The following FOCAD variants were observed in gnomAD, a reference collection of about 807,000 sequenced individuals.
The protein encoded by FOCAD is KIAA1797.
A neutral mutation model predicts 225.6 loss-of-function variants in FOCAD; 198 were observed. The observed-to-expected ratio is 0.88, with a 90% CI of 0.78 to 0.99. The LOEUF is 0.99. FOCAD is among the 50% of genes least tolerant of loss of function. The pLI, the probability that FOCAD is intolerant of heterozygous loss-of-function variation, is 0.00. For synonymous variants in FOCAD, 897 were observed against 755.0 expected, an observed-to-expected ratio of 1.19 and a Z score of -3.08; for missense variants, 2,713 against 2,123.6, an observed-to-expected ratio of 1.28 and a Z score of -5.46.
At chr9:20,845,100 G>C (rs1262213977) in intron 15 of FOCAD, among the ~76,000 whole-genome samples, 1 of 151,984 alleles carries the variant, frequency 6.6e-6, no homozygotes, top group East Asian at 1.9e-4. Context: ...GAGACATTTT[G>C]AGTTGTCCAG....
At position 20,907,242 on chromosome 9, in the gene FOCAD, G is replaced by A; in HGVS notation, c.2718G>A (p.Gln906=). The A allele has an allele frequency of 6.2e-7, 1 of 1,612,446 alleles. No homozygotes were observed. Among genetic ancestry groups the A allele is most frequent in the Non-Finnish European group, 8.5e-7 (1 of 1,178,916 alleles). The part of the protein sequence containing the change: ...YMNRAYHAIL[Q]GRLGELELQL... ...ATCGAGCTTATCATGCCATTTTACA[G>A]GTAATGAAACCACAGGATAGGTTTG... The change falls in exon 22 of 44, where the codon CAG becomes CAA. Residue 906 remains glutamine (Q), a splice_region_variant and synonymous_variant. Transcript: ENST00000338382.
At chr9:20,671,846 C>A (rs927395401) in intron 2 of FOCAD, among the ~76,000 whole-genome samples, 2 of 152,192 alleles carry the variant, frequency 1.3e-5, no homozygotes, top group African/African-American at 4.8e-5. Context: ...TGGAGTGCTG[C>A]CGCTGGCTTG....
chr9:20,667,913 G>C (rs574952341), intron 2 of FOCAD, among the ~76,000 whole-genome samples: 1 of 152,098 alleles, frequency 6.6e-6, no homozygotes, highest in Admixed American at 6.6e-5. Context: ...AACAGAAGTG[G>C]AGTTGAATCA....
chr9:20,683,459 C>G (rs557108966), upstream of FOCAD: 3 of 152,152 alleles, frequency 2.0e-5, no homozygotes, highest in African/African-American at 4.8e-5. Flanking sequence ...ACCAGTCTCT[C>G]CTCGTTTTTT....
At chr9:20,857,663 A>G (rs1343305914) in intron 15 of FOCAD, among the ~76,000 whole-genome samples, 2 of 151,622 alleles carry the variant, frequency 1.3e-5, no homozygotes, top group Admixed American at 1.3e-4. Context: ...GTCTTGTTCC[A>G]TATCTTAATG....
At chr9:20,961,184 C>T (rs116368201) in intron 35 of FOCAD, among the ~76,000 whole-genome samples, 1,648 of 151,950 alleles carry the variant, frequency 0.011, 41 homozygotes, top group African/African-American at 0.038. Context: ...CCCTCCTCTC[C>T]GCTCCCCTCC....
At chr9:20,940,002 C>G (rs1035876305) in intron 28 of FOCAD, among the ~76,000 whole-genome samples, 1 of 151,134 alleles carries the variant, frequency 6.6e-6, no homozygotes, top group Non-Finnish European at 1.5e-5. Context: ...AACATGCGTC[C>G]AAGTGTTCTC....
At chr9:20,978,652 G>A (rs1025097498) in intron 37 of FOCAD, among the ~76,000 whole-genome samples, 198 bp downstream of exon 37, 2 of 152,184 alleles carry the variant, frequency 1.3e-5, no homozygotes, top group African/African-American at 4.8e-5. Context: ...TACCGTTCAT[G>A]CTTTAGCTAC....
At chr9:20,944,567 T>C in intron 28 of FOCAD, 60 bp from the exon 29 acceptor site, 11 of 1,566,518 alleles carry the variant, frequency 7.0e-6, no homozygotes, top group Non-Finnish European at 8.7e-6. Context: ...CCGTGGTAAG[T>C]GAAGAGCAAT....
intron 28 of FOCAD, among the ~76,000 whole-genome samples, chr9:20,939,742 AT>A (rs753247977): frequency 5.5e-5 from 7 of 128,348 alleles, no homozygotes; most frequent in East Asian, 2.2e-4. Flanking sequence ...AATTTATTTT[AT>A]TTTTTTTCTT....
chr9:20,814,212 T>TA lies in FOCAD; in HGVS notation c.1456-5583dup, dbSNP rs1823397615. Among the ~76,000 whole-genome samples, 4 of 152,184 alleles carry TA rather than the reference T, an allele frequency of 2.6e-5. No individual in the cohort carries two copies. The South Asian group carries it at 6.2e-4, about 24-fold the overall frequency. On this transcript the variant is annotated intron_variant, in intron 11 of 43. Coordinates refer to ENST00000338382, the MANE Select transcript of FOCAD (RefSeq NM_001375567.1). ...AAGTACTTAGTGGTAGGAAAGGACT[T>TA]ACTATTGCCATTTTGTTAATTGCTT...
intron 18 of FOCAD, chr9:20,873,014 GATA>G (rs1829928294): frequency 6.6e-6 from 1 of 152,004 alleles, no homozygotes; most frequent in African/African-American, 2.4e-5. Flanking sequence ...TTTATGGCTG[GATA>G]ATATTTCATG....
Position 20,978,410 on chromosome 9 carries a change from C to T in FOCAD, c.4333C>T (p.Leu1445=), listed in dbSNP as rs1306401901. ...QAQSSQNAAA[L]LGLWVTPPLI... Reference sequence around the variant, plus strand: ...ACAGTCATCCCAGAATGCAGCTGCACTATTGGGCTTGTGGGTGACACCACC... The same window carrying T: ...ACAGTCATCCCAGAATGCAGCTGCATTATTGGGCTTGTGGGTGACACCACC... The change falls in exon 37 of 44, where the codon CTA becomes TTA. Residue 1445 remains leucine (L), a synonymous_variant. Transcript: ENST00000338382. 1 of 1,612,174 alleles carries T rather than the reference C, an allele frequency of 6.2e-7. No homozygotes were observed. The highest frequency in any genetic ancestry group is 8.5e-7 in the Non-Finnish European group (1 of 1,179,014).
intron 10 of FOCAD, among the ~76,000 whole-genome samples, chr9:20,787,931 C>T (rs1820098363): frequency 6.6e-6 from 1 of 152,078 alleles, no homozygotes; most frequent in Non-Finnish European, 1.5e-5. Context: ...TTTACTGTGA[C>T]ATTTAATTGT....
intron 35 of FOCAD, among the ~76,000 whole-genome samples, chr9:20,975,137 C>T (rs1342393501): frequency 6.6e-6 from 1 of 152,118 alleles, no homozygotes; most frequent in Non-Finnish European, 1.5e-5. Flanking sequence ...CGATGTTGAT[C>T]CTGCTCCTTT....
intron 15 of FOCAD, among the ~76,000 whole-genome samples, chr9:20,858,082 G>A (rs1013236976): frequency 1.3e-5 from 2 of 151,820 alleles, no homozygotes; most frequent in African/African-American, 4.8e-5. Flanking sequence ...TCTGGTTTTG[G>A]TATCAGGGTG....
intron 11 of FOCAD, among the ~76,000 whole-genome samples, chr9:20,818,705 T>C (rs1217438395): frequency 6.6e-6 from 1 of 152,126 alleles, no homozygotes; most frequent in Non-Finnish European, 1.5e-5. Context: ...TTCTGGACTC[T>C]GAATTCTATT....
At chr9:20,685,184 T>C (rs1196734535) in intron 1 of FOCAD, among the ~76,000 whole-genome samples, 1 of 149,242 alleles carries the variant, frequency 6.7e-6, no homozygotes, top group Non-Finnish European at 1.5e-5. Context: ...ATTGTCTAGA[T>C]TTGAGTTGGA....
At chr9:20,951,123 G>A (rs1282937473) in intron 34 of FOCAD, 25 bp downstream of exon 34, 3 of 1,571,850 alleles carry the variant, frequency 1.9e-6, no homozygotes, top group African/African-American at 1.4e-5. Context: ...ATAAAATACT[G>A]GAGCTGGAAG....
Sources: gnomAD v4.1 joint callset for allele counts (sites outside exome capture counted in the v4.1 genomes callset) on GRCh38, gnomAD v4.1.1 for gene constraint, MANE v1.5 for transcripts, NCBI Gene and HGNC (gene_info 2026-07-23, HGNC 2026-07-21) for gene names.